Variants in LSAMP observed in about 807,000 individuals in gnomAD.
LSAMP encodes the protein limbic system-associated membrane protein.
Under a neutral mutation model 38.6 loss-of-function variants are expected in LSAMP, and 7 were observed. The ratio of observed to expected loss-of-function variants is 0.18; its 90% confidence interval spans 0.10 to 0.34. The LOEUF is 0.34. Among genes scored for constraint, LSAMP ranks in the 10% least tolerant of loss-of-function variants. The probability of loss-of-function intolerance (pLI) is 1.00; values close to 1 mark genes in which losing one functional copy is unlikely to be tolerated. For missense variants in LSAMP, 313 were observed against 420.0 expected, an observed-to-expected ratio of 0.75 and a Z score of 2.23; for synonymous variants, 154 against 166.8, an observed-to-expected ratio of 0.92 and a Z score of 0.59.
intron 1 of LSAMP, among the ~76,000 whole-genome samples, chr3:116,122,114 G>A (rs546038763): frequency 3.1e-4 from 47 of 152,224 alleles, no homozygotes; most frequent in African/African-American, 1.1e-3. Context: ...AGGTAAATGT[G>A]AGAACAATAG....
At chr3:116,439,531 A>C (rs2049402808) in intron 1 of LSAMP, among the ~76,000 whole-genome samples, 1 of 50,476 alleles carries the variant, frequency 2.0e-5, no homozygotes, top group African/African-American at 6.4e-5. Flanking sequence ...TTTGAGACAC[A>C]CTGGCCTAAA....
chr3:116,087,868 C>T (rs6765355), intron 1 of LSAMP, among the ~76,000 whole-genome samples: 22,500 of 151,014 alleles, frequency 0.15, 1,762 homozygotes, highest in Non-Finnish European at 0.17. Flanking sequence ...TAATTTTAAA[C>T]GAATTGTATA....
chr3:115,956,695 G>GA (rs1473592268), intron 3 of LSAMP, among the ~76,000 whole-genome samples: 1 of 152,040 alleles, frequency 6.6e-6, no homozygotes, highest in Non-Finnish European at 1.5e-5. Context: ...ACAAAGGAGA[G>GA]AAAAAATTGG....
chr3:115,960,358 C>A (rs1453690492), intron 3 of LSAMP, among the ~76,000 whole-genome samples: 1 of 152,172 alleles, frequency 6.6e-6, no homozygotes, highest in Admixed American at 6.5e-5. Flanking sequence ...GTTGTTTAAG[C>A]CACCCAGTCT....
intron 1 of LSAMP, among the ~76,000 whole-genome samples, chr3:116,199,092 A>G (rs899647395): frequency 1.3e-5 from 2 of 152,122 alleles, no homozygotes; most frequent in Non-Finnish European, 2.9e-5. Context: ...TCAAAAATAA[A>G]ATGAAATAAA....
At chr3:115,874,819 G>T (rs1438002286) in intron 3 of LSAMP, among the ~76,000 whole-genome samples, 1 of 151,902 alleles carries the variant, frequency 6.6e-6, no homozygotes, top group African/African-American at 2.4e-5. Context: ...GGTTAAGAAG[G>T]ATCACCTAAG....
At chr3:116,357,261 A>G (rs2048238373) in intron 1 of LSAMP, among the ~76,000 whole-genome samples, 1 of 152,208 alleles carries the variant, frequency 6.6e-6, no homozygotes, top group Admixed American at 6.5e-5. Context: ...TGAAAACCAG[A>G]ATTCACTCAT....
intron 1 of LSAMP, among the ~76,000 whole-genome samples, chr3:116,340,734 T>C (rs2047981312): frequency 6.6e-6 from 1 of 152,046 alleles, no homozygotes; most frequent in Non-Finnish European, 1.5e-5. Flanking sequence ...CAATACTGTG[T>C]GTAAACTCAG....
At chr3:116,147,848 A>C (rs1380692080) in intron 1 of LSAMP, among the ~76,000 whole-genome samples, 9 of 151,920 alleles carry the variant, frequency 5.9e-5, no homozygotes, top group Non-Finnish European at 1.3e-4. Flanking sequence ...TGCAATCTTG[A>C]AATCTTTCTC....
intron 1 of LSAMP, among the ~76,000 whole-genome samples, chr3:116,124,269 A>T (rs986779642): frequency 6.6e-6 from 1 of 152,168 alleles, no homozygotes; most frequent in African/African-American, 2.4e-5. Context: ...GTTTGAATAG[A>T]AGACCTACCA....
chr3:115,986,940 T>A (rs1036322052), intron 3 of LSAMP, among the ~76,000 whole-genome samples: 4 of 152,178 alleles, frequency 2.6e-5, no homozygotes, highest in Non-Finnish European at 5.9e-5. Flanking sequence ...AGATAGCTTA[T>A]CCTTTTATTT....
At position 116,144,358 on chromosome 3, in the gene LSAMP, A is replaced by G. The variant is rs9855303; in HGVS notation, c.156-57802T>C. 9.4e-3 allele frequency among the ~76,000 whole-genome samples: 1,426 copies of G among 151,938 alleles called. 19 individuals are homozygous for G. Among genetic ancestry groups the G allele is most frequent in the African/African-American group, 0.031 (1,286 of 41,482 alleles). The stretch of plus-strand genomic sequence containing the variant: ...GGTAATATAGTGAGACCTTGTCACT[A>G]CAAAAAATTTAAAAATTAGCTGGGC... On this transcript the variant is annotated intron_variant, in intron 1 of 6. Transcript: ENST00000490035.
At chr3:116,153,947 C>T (rs1226849447) in intron 1 of LSAMP, among the ~76,000 whole-genome samples, 1 of 151,988 alleles carries the variant, frequency 6.6e-6, no homozygotes, top group Non-Finnish European at 1.5e-5. Context: ...GTGAACTAAG[C>T]ATTCTAAATC....
At chr3:115,929,198 C>G (rs1211608868) in intron 3 of LSAMP, among the ~76,000 whole-genome samples, 3 of 151,742 alleles carry the variant, frequency 2.0e-5, no homozygotes, top group Non-Finnish European at 2.9e-5. Context: ...GATAGGAAGA[C>G]TAGTCAAAAC....
chr3:116,102,767 T>TTATCTATCTATCTATCTATCTATCTATC lies in LSAMP; in HGVS notation c.156-16212_156-16211insGATAGATAGATAGATAGATAGATAGATA, dbSNP rs35080251. On this transcript the variant is annotated intron_variant, in intron 1 of 6. Transcript: ENST00000490035. ...TAATCATGTGAGCCATTTTAAAATT[T>TTATCTATCTATCTATCTATCTATCTATC]TATCTATCTATCTATCTATCTGTCT... 4.2e-3 allele frequency among the ~76,000 whole-genome samples: 628 copies of TTATCTATCTATCTATCTATCTATCTATC among 151,140 alleles called. 7 individuals are homozygous for TTATCTATCTATCTATCTATCTATCTATC. The highest frequency in any genetic ancestry group is 0.014 in the African/African-American group (578 of 40,704).
intron 3 of LSAMP, among the ~76,000 whole-genome samples, chr3:115,869,060 T>C (rs1436229767): frequency 6.6e-6 from 1 of 152,150 alleles, no homozygotes; most frequent in Non-Finnish European, 1.5e-5. Flanking sequence ...TTGAAAACCA[T>C]TTAACTCATT....
chr3:116,425,996 T>C (rs1433531532), intron 1 of LSAMP, among the ~76,000 whole-genome samples: 1 of 152,062 alleles, frequency 6.6e-6, no homozygotes, highest in African/African-American at 2.4e-5. Context: ...TGCCTTTAAA[T>C]TGAGGCTGAT....
intron 2 of LSAMP, among the ~76,000 whole-genome samples, chr3:116,048,233 T>C (rs1941330104): frequency 6.6e-6 from 1 of 152,202 alleles, no homozygotes; most frequent in Admixed American, 6.5e-5. Flanking sequence ...ATGTTTCACT[T>C]CATAAAGTTA....
chr3:116,140,867 A>AT (rs1176164199), intron 1 of LSAMP, among the ~76,000 whole-genome samples: 12 of 152,004 alleles, frequency 7.9e-5, no homozygotes, highest in African/African-American at 2.7e-4. Context: ...CCCAAAGGAA[A>AT]TTCAGGTTTC....
Sources: allele counts gnomAD v4.1 joint callset (sites outside exome capture counted in the v4.1 genomes callset), GRCh38; gene constraint gnomAD v4.1.1; transcripts MANE v1.5; gene names NCBI Gene and HGNC (gene_info 2026-07-23, HGNC 2026-07-21).